MECOM: variants seen among roughly 807,000 people sequenced by gnomAD.
The protein encoded by MECOM is MDS1 and EVI1 complex locus.
In MECOM, 13 loss-of-function variants were observed where a neutral mutation model predicts 116.3. The observed-to-expected ratio is 0.11, with a 90% CI of 0.07 to 0.18. The LOEUF is 0.18. Ranked by LOEUF, MECOM falls within the 10% of genes least tolerant of loss-of-function variation. The pLI is 1.00. For synonymous variants in MECOM, 528 were observed against 535.2 expected (o/e 0.99, Z 0.19); for missense variants, 1,299 against 1,509.0 (o/e 0.86, Z 2.31).
At position 169,269,155 on chromosome 3, in the gene MECOM, C is replaced by T. The variant is rs540545083; in HGVS notation, c.375+112032G>A. 1.8e-4 allele frequency: 28 copies of T among 152,010 alleles called. No individual in the cohort carries two copies. In the South Asian group the frequency reaches 5.9e-3, roughly 32 times the overall value. 9.4% of individuals were successfully genotyped at this position (152,010 alleles called of 1,614,324 possible). ...TTTACCTTCGTGTTCTCATGCTATTCCTAGGTGGTCAGCCTGCCATTATGT... is the reference window on the plus strand; with the variant it reads ...TTTACCTTCGTGTTCTCATGCTATTTCTAGGTGGTCAGCCTGCCATTATGT... On this transcript the variant is annotated intron_variant, in intron 2 of 16. Transcript: ENST00000651503.
chr3:169,565,589 T>A (rs1360680056), intron 1 of MECOM, among the ~76,000 whole-genome samples: 1 of 152,126 alleles, frequency 6.6e-6, no homozygotes, highest in African/African-American at 2.4e-5. Flanking sequence ...CTTCCATCCT[T>A]TAGCTATTTG....
intron 2 of MECOM, among the ~76,000 whole-genome samples, chr3:169,257,858 G>C (rs1289217588): frequency 1.3e-5 from 2 of 152,136 alleles, no homozygotes; most frequent in South Asian, 2.1e-4. Context: ...ACTATTGATA[G>C]AAGCCTATGT....
intron 1 of MECOM, among the ~76,000 whole-genome samples, chr3:169,441,888 G>A (rs747762434): frequency 3.1e-4 from 45 of 145,538 alleles, no homozygotes; most frequent in African/African-American, 1.1e-3. Flanking sequence ...CCACCACCAC[G>A]CCTGGCTAAT....
chr3:169,430,492 G>A (rs1162304111), intron 1 of MECOM, among the ~76,000 whole-genome samples: 2 of 151,918 alleles, frequency 1.3e-5, no homozygotes, highest in African/African-American at 2.4e-5. Context: ...TAGCTCTCAG[G>A]TTCTAGGCTT....
At position 169,084,195 on chromosome 3, in the gene MECOM, CAA is replaced by C. The variant is rs777881070; in HGVS notation, c.*712_*713del. ...ATTGTCTAAAATTAAGATGTTATTA[CAA>C]GGATTTGGCAAACAATTTATTAGTG... On this transcript the variant is annotated 3_prime_UTR_variant, in exon 17 of 17. Coordinates refer to ENST00000651503, the MANE Select transcript of MECOM (RefSeq NM_004991.4). The C allele has an allele frequency of 4.3e-6, 1 of 231,906 alleles. No homozygotes were observed. The highest frequency in any genetic ancestry group is 8.5e-6 in the Non-Finnish European group (1 of 117,274). The allele number at this position is 231,906 out of a possible 1,614,324, so 14.4% of individuals were successfully genotyped here. A position where few individuals can be genotyped will look rare whatever the true frequency, so the allele number is the denominator to read the frequency against.
chr3:169,469,657 G>A (rs968728461), intron 1 of MECOM, among the ~76,000 whole-genome samples: 2 of 151,944 alleles, frequency 1.3e-5, no homozygotes, highest in African/African-American at 4.8e-5. Flanking sequence ...ACGCCCCCTT[G>A]CATTCATAAA....
intron 1 of MECOM, among the ~76,000 whole-genome samples, chr3:169,589,299 C>A (rs550688353): frequency 2.0e-5 from 3 of 152,156 alleles, no homozygotes; most frequent in Admixed American, 1.3e-4. Flanking sequence ...AGACACAAGG[C>A]TTTGCAGCAT....
At chr3:169,590,969 A>G (rs1766332926) in intron 1 of MECOM, among the ~76,000 whole-genome samples, 1 of 152,200 alleles carries the variant, frequency 6.6e-6, no homozygotes, top group Non-Finnish European at 1.5e-5. Context: ...CTATTAGAGA[A>G]AGCAATCTGC....
chr3:169,519,845 A>C (rs1757142166), intron 1 of MECOM, among the ~76,000 whole-genome samples: 1 of 151,878 alleles, frequency 6.6e-6, no homozygotes, highest in Non-Finnish European at 1.5e-5. Context: ...CCTTTAGATA[A>C]CCCCCCCTTG....
At chr3:169,504,150 A>AGTGTGT (rs3044764) in intron 1 of MECOM, among the ~76,000 whole-genome samples, 11,163 of 132,478 alleles carry the variant, frequency 0.084, 642 homozygotes, top group East Asian at 0.18. Context: ...GAAAAAGAGA[A>AGTGTGT]GTGTGTGTGT....
At chr3:169,314,846 T>C (rs1306515753) in intron 2 of MECOM, among the ~76,000 whole-genome samples, 1 of 152,210 alleles carries the variant, frequency 6.6e-6, no homozygotes, top group Non-Finnish European at 1.5e-5. Context: ...TAGAAATTTC[T>C]ATGAGGAAGC....
At chr3:169,093,195 T>C in intron 13 of MECOM, 93 bp from the exon 14 acceptor site, 3 of 1,319,416 alleles carry the variant, frequency 2.3e-6, no homozygotes, top group Admixed American at 4.9e-5. Flanking sequence ...ATCAGTGCTG[T>C]TTCTTAAAAC....
chr3:169,090,900 G>A (rs1305510134), intron 14 of MECOM, among the ~76,000 whole-genome samples: 3 of 151,886 alleles, frequency 2.0e-5, no homozygotes, highest in Non-Finnish European at 4.4e-5. Context: ...AAAAGCTCAG[G>A]TATTACAATG....
chr3:169,178,754 T>C (rs1745550985), intron 2 of MECOM, among the ~76,000 whole-genome samples: 1 of 152,234 alleles, frequency 6.6e-6, no homozygotes, highest in South Asian at 2.1e-4. Flanking sequence ...TCCTAGGATA[T>C]GTTACGCTAG....
At chr3:169,372,164 G>C (rs189078921) in intron 2 of MECOM, among the ~76,000 whole-genome samples, 280 of 152,118 alleles carry the variant, frequency 1.8e-3, no homozygotes, top group African/African-American at 6.5e-3. Context: ...ATGTGTAAAT[G>C]TATGTATGTT....
In MECOM at chr3:169,193,335, G is replaced by A. The variant is rs749031193; in HGVS notation, c.376-49503C>T. On this transcript the variant is annotated intron_variant, in intron 2 of 16. Coordinates refer to ENST00000651503, the MANE Select transcript of MECOM (RefSeq NM_004991.4). The stretch of plus-strand genomic sequence containing the variant: ...ATAGAAATATAGTGTTCATAAGAAG[G>A]AAAAAAATAGTTCTCAACTCTGCAT... 9.2e-5 allele frequency among the ~76,000 whole-genome samples: 14 copies of A among 151,862 alleles called. No homozygotes were observed. The East Asian group carries it at 9.7e-4, about 11-fold the overall frequency.
chr3:169,439,515 C>T (rs1281635821), intron 1 of MECOM, among the ~76,000 whole-genome samples: 3 of 151,948 alleles, frequency 2.0e-5, no homozygotes, highest in Non-Finnish European at 4.4e-5. Context: ...GGTCCACAAA[C>T]ATGTGAAATC....
intron 2 of MECOM, among the ~76,000 whole-genome samples, chr3:169,291,565 C>A (rs368993716): frequency 3.9e-5 from 6 of 152,112 alleles, no homozygotes; most frequent in Non-Finnish European, 8.8e-5. Context: ...GTATGGAACA[C>A]ATCAAAACTA....
chr3:169,485,762 T>C (rs1380878425), intron 1 of MECOM, among the ~76,000 whole-genome samples: 1 of 150,448 alleles, frequency 6.6e-6, no homozygotes, highest in Non-Finnish European at 1.5e-5. Flanking sequence ...CGATTTTGCA[T>C]TTAGCTAATA....
Sources: gnomAD v4.1 joint callset for allele counts (sites outside exome capture counted in the v4.1 genomes callset) on GRCh38, gnomAD v4.1.1 for gene constraint, MANE v1.5 for transcripts, NCBI Gene and HGNC (gene_info 2026-07-23, HGNC 2026-07-21) for gene names.